SEMA3A: variants seen among roughly 807,000 people sequenced by gnomAD.
SEMA3A encodes the protein semaphorin 3A.
Under a neutral mutation model 97.9 loss-of-function variants are expected in SEMA3A, and 29 were observed. That is an observed-to-expected ratio of 0.30 (90% confidence interval 0.22 to 0.40). The LOEUF is 0.40. Ranked by LOEUF, SEMA3A falls within the 10% of genes least tolerant of loss-of-function variation. The probability of loss-of-function intolerance (pLI) is 1.00; values close to 1 mark genes in which losing one functional copy is unlikely to be tolerated. For synonymous variants in SEMA3A, 321 were observed against 323.7 expected (o/e 0.99, Z 0.09); for missense variants, 763 against 951.3 (o/e 0.80, Z 2.60).
At chr7:84,359,636 G>C (rs992968748) in intron 2 of SEMA3A, among the ~76,000 whole-genome samples, 1 of 152,128 alleles carries the variant, frequency 6.6e-6, no homozygotes, top group Admixed American at 6.6e-5. Flanking sequence ...TTGGTATTAG[G>C]ATCATGCTGG....
chr7:84,434,886 T>G (rs372719038), intron 1 of SEMA3A, among the ~76,000 whole-genome samples: 5 of 152,282 alleles, frequency 3.3e-5, no homozygotes, highest in East Asian at 3.9e-4. Flanking sequence ...CATTTATGAT[T>G]AATGCATAGC....
At chr7:84,247,698 C>T (rs1392534490) in intron 3 of SEMA3A, among the ~76,000 whole-genome samples, 1 of 152,078 alleles carries the variant, frequency 6.6e-6, no homozygotes, top group African/African-American at 2.4e-5. Flanking sequence ...ACTCAATGAT[C>T]CACTGGAGAG....
chr7:84,099,503 C>A (rs1256175143), intron 4 of SEMA3A, among the ~76,000 whole-genome samples: 1 of 152,114 alleles, frequency 6.6e-6, no homozygotes, highest in Non-Finnish European at 1.5e-5. Flanking sequence ...ACTCACATAA[C>A]TTTGCCTATA....
At chr7:84,441,163 A>AAAAAT (rs1271879272) in intron 1 of SEMA3A, among the ~76,000 whole-genome samples, 2 of 152,116 alleles carry the variant, frequency 1.3e-5, no homozygotes, top group South Asian at 2.1e-4. Flanking sequence ...CATCTCAATA[A>AAAAAT]AAAATAAAAT....
At chr7:84,046,678 C>G (rs1469509781) in intron 5 of SEMA3A, among the ~76,000 whole-genome samples, 1 of 151,886 alleles carries the variant, frequency 6.6e-6, no homozygotes, top group Non-Finnish European at 1.5e-5. Flanking sequence ...GACTACTTAT[C>G]TAGTACTTAG....
chr7:83,956,137 G>A lies in SEMA3A; in HGVS notation c.*5234C>T, dbSNP rs1441500796. The A allele has an allele frequency of 1.3e-5, 2 of 152,180 alleles. No individual in the cohort carries two copies. Among genetic ancestry groups the A allele is most frequent in the Non-Finnish European group, 2.9e-5 (2 of 68,022 alleles). The allele number at this position is 152,180 out of a possible 1,614,324, so 9.4% of individuals were successfully genotyped here. A position where few individuals can be genotyped will look rare whatever the true frequency, so the allele number is the denominator to read the frequency against. Reference sequence around the variant, plus strand: ...ACTACATGTGCTGACCACACCTGCAGCATTGCTTGGCCATGAATTACTCCA... The same window carrying A: ...ACTACATGTGCTGACCACACCTGCAACATTGCTTGGCCATGAATTACTCCA... On this transcript the variant is annotated 3_prime_UTR_variant, in exon 17 of 17. Transcript: ENST00000265362.
Position 83,955,917 on chromosome 7 carries a change from A to G in SEMA3A, c.*5454T>C, listed in dbSNP as rs1028117625. On this transcript the variant is annotated 3_prime_UTR_variant, in exon 17 of 17. Transcript: ENST00000265362. ...ATAAAAACTTTTGCTTAGGTCCTATATAAATAAACATTGTATATACAAGTA... is the reference window on the plus strand; with the variant it reads ...ATAAAAACTTTTGCTTAGGTCCTATGTAAATAAACATTGTATATACAAGTA... 1 of 152,176 alleles carries G rather than the reference A, an allele frequency of 6.6e-6. No individual in the cohort carries two copies. The highest frequency in any genetic ancestry group is 1.5e-5 in the Non-Finnish European group (1 of 68,018). The allele number at this position is 152,176 out of a possible 1,614,324, so 9.4% of individuals were successfully genotyped here. A position where few individuals can be genotyped will look rare whatever the true frequency, so the allele number is the denominator to read the frequency against.
intron 2 of SEMA3A, among the ~76,000 whole-genome samples, chr7:84,311,959 A>C (rs1452571241): frequency 1.3e-5 from 2 of 151,922 alleles, no homozygotes. Context: ...GTAAATTTTC[A>C]TGTATTTAAA....
intron 3 of SEMA3A, among the ~76,000 whole-genome samples, chr7:84,115,439 GT>G (rs1400535113): frequency 5.2e-5 from 5 of 96,982 alleles, no homozygotes; most frequent in Admixed American, 2.7e-4. Flanking sequence ...CTTCAAACAT[GT>G]TCAAAATGAT....
At chr7:84,131,945 A>G (rs1452755694) in intron 2 of SEMA3A, among the ~76,000 whole-genome samples, 2 of 152,124 alleles carry the variant, frequency 1.3e-5, no homozygotes, top group Non-Finnish European at 2.9e-5. Flanking sequence ...ATGTGCCACC[A>G]TGCCCAGCTT....
intron 1 of SEMA3A, among the ~76,000 whole-genome samples, chr7:84,437,376 C>T (rs1805160994): frequency 2.0e-5 from 3 of 151,870 alleles, no homozygotes. Flanking sequence ...ATGTTTATTT[C>T]CAGTTAATAG....
chr7:83,967,629 C>T (rs1282817428), intron 15 of SEMA3A, among the ~76,000 whole-genome samples: 1 of 151,812 alleles, frequency 6.6e-6, no homozygotes, highest in African/African-American at 2.4e-5. Context: ...ATGGCGGGTA[C>T]CTACAATCCC....
In SEMA3A at chr7:84,425,131, A is replaced by ATATAAATATTATATATATTTATATAT. The variant is rs1460186875; in HGVS notation, c.-245-53257_-245-53232dup. Among the ~76,000 whole-genome samples, 358 of 109,756 alleles carry ATATAAATATTATATATATTTATATAT rather than the reference A, an allele frequency of 3.3e-3. 4 individuals are homozygous for ATATAAATATTATATATATTTATATAT. Among genetic ancestry groups the ATATAAATATTATATATATTTATATAT allele is most frequent in the African/African-American group, 0.013 (335 of 26,514 alleles). 72.0% of individuals were successfully genotyped at this position (109,756 alleles called of 152,430 possible). On this transcript the variant is annotated intron_variant, in intron 1 of 3. Coordinates refer to the SEMA3A transcript ENST00000424555. ...ATATATATTTATATAAATTATTTAT[A>ATATAAATATTATATATATTTATATAT]TATAAATATTATATATATTTATATA...
chr7:84,170,979 G>A (rs1797366395), intron 1 of SEMA3A, among the ~76,000 whole-genome samples: 1 of 152,022 alleles, frequency 6.6e-6, no homozygotes, highest in Non-Finnish European at 1.5e-5. Flanking sequence ...TCCCAATATG[G>A]TTGGGTTATG....
intron 1 of SEMA3A, among the ~76,000 whole-genome samples, chr7:84,144,685 G>A (rs1796412541): frequency 6.6e-6 from 1 of 152,150 alleles, no homozygotes; most frequent in South Asian, 2.1e-4. Context: ...GAAAACATCT[G>A]TGACTCAGCA....
intron 3 of SEMA3A, among the ~76,000 whole-genome samples, chr7:84,221,808 T>C (rs1798889888): frequency 6.6e-6 from 1 of 151,906 alleles, no homozygotes; most frequent in Non-Finnish European, 1.5e-5. Context: ...CCATAACAAA[T>C]ATAATAATCT....
chr7:84,077,829 T>C (rs1375734145), intron 4 of SEMA3A, among the ~76,000 whole-genome samples: 1 of 151,810 alleles, frequency 6.6e-6, no homozygotes, highest in Admixed American at 6.6e-5. Flanking sequence ...TATATCTTTA[T>C]GAAAAGAAAA....
chr7:83,987,198 G>A (rs1789670912), intron 12 of SEMA3A, among the ~76,000 whole-genome samples: 1 of 151,466 alleles, frequency 6.6e-6, no homozygotes, highest in African/African-American at 2.4e-5. Flanking sequence ...CAGAATCTGA[G>A]ATAAAATCTT....
At chr7:84,025,092 G>GAATA (rs982609640) in intron 6 of SEMA3A, among the ~76,000 whole-genome samples, 2 of 151,900 alleles carry the variant, frequency 1.3e-5, no homozygotes, top group South Asian at 2.1e-4. Context: ...GTCTTTAAAT[G>GAATA]AATAAATAAA....
Sources: allele counts gnomAD v4.1 joint callset (sites outside exome capture counted in the v4.1 genomes callset), GRCh38; gene constraint gnomAD v4.1.1; transcripts MANE v1.5; gene names NCBI Gene and HGNC (gene_info 2026-07-23, HGNC 2026-07-21).